The following VPS37A variants were observed in gnomAD, a reference collection of about 807,000 sequenced individuals.
The protein encoded by VPS37A is VPS37A subunit of ESCRT-I, also known as vacuolar protein sorting-associated protein 37A.
Under a neutral mutation model 49.8 loss-of-function variants are expected in VPS37A, and 30 were observed. That is an observed-to-expected ratio of 0.60 (90% confidence interval 0.45 to 0.82). The LOEUF (loss-of-function observed/expected upper bound fraction) is 0.82. Among genes scored for constraint, VPS37A ranks in the 40% least tolerant of loss-of-function variants. The probability of loss-of-function intolerance (pLI) is 0.00; values close to 1 mark genes in which losing one functional copy is unlikely to be tolerated. For synonymous variants in VPS37A, 195 were observed against 160.6 expected, an observed-to-expected ratio of 1.21 and a Z score of -1.62; for missense variants, 593 against 464.4, an observed-to-expected ratio of 1.28 and a Z score of -2.55.
downstream of VPS37A, chr8:17,302,021 T>C: frequency 2.6e-6 from 3 of 1,160,696 alleles, no homozygotes; most frequent in South Asian, 1.4e-5. Context: ...CTGGATGGGG[T>C]TGTGTTTCAG....
the VPS37A span, among the ~76,000 whole-genome samples, chr8:17,330,707 G>A: frequency 6.6e-6 from 1 of 152,194 alleles, no homozygotes; most frequent in Non-Finnish European, 1.5e-5. Context: ...GGTGGCTGCT[G>A]TTTAGAAATG....
At chr8:17,277,395 G>A (rs1289751594) in intron 6 of VPS37A, among the ~76,000 whole-genome samples, 2 of 151,714 alleles carry the variant, frequency 1.3e-5, no homozygotes, top group African/African-American at 4.8e-5. Context: ...TTAAATAATT[G>A]TTATGAAAAC....
intron 6 of VPS37A, 112 bp downstream of exon 6, chr8:17,276,579 A>C: frequency 9.4e-7 from 1 of 1,063,564 alleles, no homozygotes; most frequent in East Asian, 2.7e-5. Context: ...CTAATCCTAA[A>C]CAATATTGTT....
chr8:17,268,793 C>A lies in VPS37A; in HGVS notation c.316-63C>A. 2.7e-6 allele frequency: 3 copies of A among 1,105,290 alleles called. No individual in the cohort carries two copies. The South Asian group carries it at 4.1e-5, about 15-fold the overall frequency. 68.5% of individuals were successfully genotyped at this position (1,105,290 alleles called of 1,614,324 possible). A position where few individuals can be genotyped will look rare whatever the true frequency, so the allele number is the denominator to read the frequency against. ...AGTTAATATTTAGAGTGACATTATC[C>A]TAATGAGACTTTATAATCTTTTTCT... On this transcript the variant is annotated intron_variant, in intron 3 of 11. Transcript: ENST00000324849.
intron 4 of VPS37A, among the ~76,000 whole-genome samples, chr8:17,272,432 T>C (rs1814081506): frequency 1.3e-5 from 2 of 152,210 alleles, no homozygotes. Flanking sequence ...TCTGTAGTAA[T>C]AGGGCTGGAT....
At chr8:17,311,206 T>C in the VPS37A span, among the ~76,000 whole-genome samples, 3 of 152,364 alleles carry the variant, frequency 2.0e-5, no homozygotes, top group African/African-American at 7.2e-5. Flanking sequence ...GAAATACTTA[T>C]GAGCAAATGA....
chr8:17,274,318 T>C (rs1563265694), intron 4 of VPS37A, among the ~76,000 whole-genome samples: 2 of 152,266 alleles, frequency 1.3e-5, no homozygotes, highest in South Asian at 2.1e-4. Flanking sequence ...CAGTCAGATT[T>C]TGACAAATAC....
At chr8:17,306,305 G>A (rs987387226), downstream of VPS37A, among the ~76,000 whole-genome samples, 3 of 151,784 alleles carry the variant, frequency 2.0e-5, no homozygotes, top group African/African-American at 7.3e-5. Flanking sequence ...CTTTATGAGC[G>A]GGTGAGAAGA....
chr8:17,292,400 A>T (rs1344695722), intron 11 of VPS37A, among the ~76,000 whole-genome samples: 1 of 152,054 alleles, frequency 6.6e-6, no homozygotes, highest in African/African-American at 2.4e-5. Context: ...CAGCATACTG[A>T]TGGATCTTGA....
At chr8:17,266,389 A>G (rs1813457389) in intron 2 of VPS37A, among the ~76,000 whole-genome samples, 1 of 152,260 alleles carries the variant, frequency 6.6e-6, no homozygotes, top group East Asian at 1.9e-4. Flanking sequence ...TACATCAACC[A>G]GAAAGTTCAA....
downstream of VPS37A, among the ~76,000 whole-genome samples, chr8:17,304,190 G>A (rs972258340): frequency 6.6e-6 from 1 of 152,114 alleles, no homozygotes; most frequent in South Asian, 2.1e-4. Context: ...CCACATTTAG[G>A]AGGAATAAAG....
the VPS37A span, among the ~76,000 whole-genome samples, chr8:17,316,410 T>C: frequency 6.6e-6 from 1 of 150,664 alleles, no homozygotes; most frequent in African/African-American, 2.4e-5. Context: ...TATTTATCCA[T>C]CCCCCTACTG....
At chr8:17,253,781 G>A (rs1812189098) in intron 1 of VPS37A, among the ~76,000 whole-genome samples, 1 of 152,060 alleles carries the variant, frequency 6.6e-6, no homozygotes, top group African/African-American at 2.4e-5. Flanking sequence ...TGAAATAAGT[G>A]CTCCATGTTA....
intron 1 of VPS37A, among the ~76,000 whole-genome samples, chr8:17,255,677 A>G (rs1435875210): frequency 6.6e-6 from 1 of 152,186 alleles, no homozygotes; most frequent in African/African-American, 2.4e-5. Flanking sequence ...CTGTATATTT[A>G]AACTCACTAA....
chr8:17,253,777 A>G (rs1386094045), intron 1 of VPS37A, among the ~76,000 whole-genome samples: 1 of 152,218 alleles, frequency 6.6e-6, no homozygotes, highest in Non-Finnish European at 1.5e-5. Flanking sequence ...AATGTGAAAT[A>G]AGTGCTCCAT....
chr8:17,325,377 C>A, the VPS37A span, among the ~76,000 whole-genome samples: 115 of 152,326 alleles, frequency 7.5e-4, no homozygotes, highest in African/African-American at 2.5e-3. Flanking sequence ...AAAACCTTTG[C>A]GTGGAAGAAC....
chr8:17,265,733 G>A, intron 1 of VPS37A, 174 bp from the exon 2 acceptor site: 6 of 1,507,486 alleles, frequency 4.0e-6, no homozygotes, highest in South Asian at 2.4e-5. Flanking sequence ...CTTAGATGAT[G>A]AGCCTTTCTA....
rs1209374930 is a variant in VPS37A, at chr8:17,297,710, T to TATTA, written c.*2725_*2728dup. The TATTA allele has an allele frequency of 6.6e-6, 1 of 152,068 alleles. No homozygotes were observed. The highest frequency in any genetic ancestry group is 2.4e-5 in the African/African-American group (1 of 41,464). 9.4% of individuals were successfully genotyped at this position (152,068 alleles called of 1,614,324 possible). A position where few individuals can be genotyped will look rare whatever the true frequency, so the allele number is the denominator to read the frequency against. On this transcript the variant is annotated 3_prime_UTR_variant, in exon 12 of 12. Coordinates refer to ENST00000324849, the MANE Select transcript of VPS37A (RefSeq NM_152415.3). ...AAACACTTCCTGATTAATGTTTGAT[T>TATTA]ATTAGATATTTTAGTCTTGTTGGGG...
chr8:17,327,523 C>A, the VPS37A span, among the ~76,000 whole-genome samples: 1 of 152,048 alleles, frequency 6.6e-6, no homozygotes, highest in Admixed American at 6.5e-5. Context: ...CTCAAGTAAT[C>A]CTCAATGTCT....
Sources: gnomAD v4.1 joint callset for allele counts (sites outside exome capture counted in the v4.1 genomes callset) on GRCh38, gnomAD v4.1.1 for gene constraint, MANE v1.5 for transcripts, NCBI Gene and HGNC (gene_info 2026-07-23, HGNC 2026-07-21) for gene names.